Variants in GAS2L3 observed in about 807,000 individuals in gnomAD.
GAS2L3 encodes the protein GAS2-like protein 3.
GAS2L3 carries 28 observed loss-of-function variants against 37.0 expected under a neutral mutation model. The observed-to-expected ratio is 0.76, with a 90% CI of 0.56 to 1.04. The LOEUF (loss-of-function observed/expected upper bound fraction) is 1.04. GAS2L3 is among the 50% of genes least tolerant of loss of function. GAS2L3 has a pLI of 0.00. For missense variants in GAS2L3, 793 were observed against 817.6 expected (o/e 0.97, Z 0.37); for synonymous variants, 290 against 296.6 (o/e 0.98, Z 0.23).
At chr12:100,575,104 G>C (rs1452611825) in intron 1 of GAS2L3, among the ~76,000 whole-genome samples, 1 of 152,090 alleles carries the variant, frequency 6.6e-6, no homozygotes, top group Admixed American at 6.6e-5. Context: ...GTCTGTGAAA[G>C]AAGGTTAATA....
At chr12:100,599,481 T>A (rs1289831713) in intron 3 of GAS2L3, among the ~76,000 whole-genome samples, 2 of 152,240 alleles carry the variant, frequency 1.3e-5, no homozygotes, top group Non-Finnish European at 2.9e-5. Flanking sequence ...ACAACCATTT[T>A]AAAATGTACA....
chr12:100,602,742 C>G (rs113644661), intron 5 of GAS2L3, among the ~76,000 whole-genome samples: 3,083 of 152,034 alleles, frequency 0.02, 88 homozygotes, highest in African/African-American at 0.064. Context: ...CTTATTAATT[C>G]TTTCTAACTA....
At chr12:100,579,123 C>G in intron 1 of GAS2L3, 2 of 707,254 alleles carry the variant, frequency 2.8e-6, no homozygotes, top group Non-Finnish European at 5.3e-6. Context: ...ATAATCCATT[C>G]ACATAGTTCA....
chr12:100,604,581 A>G (rs1956033810), intron 5 of GAS2L3, among the ~76,000 whole-genome samples: 1 of 150,920 alleles, frequency 6.6e-6, no homozygotes, highest in Non-Finnish European at 1.5e-5. Flanking sequence ...TTGGATGCCA[A>G]ATCTTTCTTT....
Position 100,617,738 on chromosome 12 carries a change from C to A in GAS2L3, c.446-6C>A. On this transcript the variant is annotated splice_polypyrimidine_tract_variant and splice_region_variant and intron_variant, in intron 6 of 9. Transcript: ENST00000547754. ...TGTATAAAATAAGTGGTTTTATTTT[C>A]CACAGTTTTGCACAAAGATCCAAGA... 1 of 1,588,400 alleles carries A rather than the reference C, an allele frequency of 6.3e-7. No individual in the cohort carries two copies. Among genetic ancestry groups the A allele is most frequent in the Non-Finnish European group, 8.6e-7 (1 of 1,158,846 alleles).
intron 1 of GAS2L3, among the ~76,000 whole-genome samples, chr12:100,581,941 A>T (rs1279768219): frequency 6.6e-6 from 1 of 152,228 alleles, no homozygotes; most frequent in East Asian, 1.9e-4. Flanking sequence ...ATAACTTGCA[A>T]ATTAAAATAT....
At chr12:100,620,209 G>T (rs1196203481) in intron 8 of GAS2L3, among the ~76,000 whole-genome samples, 1 of 151,920 alleles carries the variant, frequency 6.6e-6, no homozygotes, top group African/African-American at 2.4e-5. Flanking sequence ...CAACGGTTTG[G>T]CAAATTAGGA....
chr12:100,617,771 A>G lies in GAS2L3; in HGVS notation c.473A>G (p.Tyr158Cys), dbSNP rs760058489. The G allele has an allele frequency of 3.4e-5, 55 of 1,608,300 alleles. No individual in the cohort carries two copies. The highest frequency in any genetic ancestry group is 4.4e-5 in the Non-Finnish European group (52 of 1,175,410). The part of the protein sequence containing the change: ...LVLHKDPRQV[Y>C]LCLLEIGRIV... ...TTGCACAAAGATCCAAGACAGGTGT[A>G]TCTTTGTCTTCTTGAAATTGGTCGA... is the stretch of plus-strand genomic sequence containing the variant. The change falls in exon 7 of 10, where the codon TAT becomes TGT. Residue 158 changes from tyrosine (Y) to cysteine (C), a missense_variant. By Grantham distance (194) the Tyr-to-Cys change is radical. Transcript: ENST00000547754.
chr12:100,620,531 C>T (rs12371477), intron 8 of GAS2L3, among the ~76,000 whole-genome samples: 54,100 of 151,518 alleles, frequency 0.36, 11,462 homozygotes, highest in Non-Finnish European at 0.49. Context: ...AAGTGAGATT[C>T]GGGTATCTTA....
In GAS2L3 at chr12:100,624,975, C is replaced by G. The variant is rs867734422; in HGVS notation, c.*85C>G. The G allele has an allele frequency of 1.4e-5, 15 of 1,050,788 alleles. No homozygotes were observed. The highest frequency in any genetic ancestry group is 6.2e-4 in the Middle Eastern group (2 of 3,226). The allele number at this position is 1,050,788 out of a possible 1,614,324, so 65.1% of individuals were successfully genotyped here. ...AAAAGTTTCTCCTATTTGTGTCTGT[C>G]TAAATAGGTGCAGACACTAAGGATA... On this transcript the variant is annotated 3_prime_UTR_variant, in exon 10 of 10. Coordinates refer to ENST00000547754, the MANE Select transcript of GAS2L3 (RefSeq NM_174942.3).
At position 100,623,679 on chromosome 12, in the gene GAS2L3, A is replaced by T; in HGVS notation, c.874A>T (p.Ile292Phe). ...ILQFATLEQKILAFQKGVSNE... is the reference protein window; with the variant it reads ...ILQFATLEQKFLAFQKGVSNE... ...ACAGTTTGCCACATTAGAACAAAAA[A>T]TTTTAGCATTTCAAAAAGGAGTTTC... is the stretch of plus-strand genomic sequence containing the variant. Residue 292 changes from isoleucine to phenylalanine, a missense_variant, in exon 10 of 10, where the codon ATT (isoleucine) becomes TTT (phenylalanine). Coordinates refer to ENST00000547754, the MANE Select transcript of GAS2L3 (RefSeq NM_174942.3). 6.2e-7 allele frequency: 1 copy of T among 1,614,102 alleles called. No homozygotes were observed. The highest frequency in any genetic ancestry group is 8.5e-7 in the Non-Finnish European group (1 of 1,179,972).
chr12:100,595,253 G>T (rs1052701311), intron 3 of GAS2L3, among the ~76,000 whole-genome samples: 3 of 151,788 alleles, frequency 2.0e-5, no homozygotes, highest in Admixed American at 2.0e-4. Context: ...ATATTTTGTG[G>T]TTTTCCCCTC....
At chr12:100,596,681 T>G (rs1955917188) in intron 3 of GAS2L3, among the ~76,000 whole-genome samples, 2 of 152,168 alleles carry the variant, frequency 1.3e-5, no homozygotes, top group South Asian at 4.1e-4. Context: ...TCAAGATATT[T>G]CTTGCCATTC....
intron 1 of GAS2L3, among the ~76,000 whole-genome samples, chr12:100,582,720 C>T (rs1955728985): frequency 6.6e-6 from 1 of 152,156 alleles, no homozygotes; most frequent in Admixed American, 6.5e-5. Context: ...TAACAAATTA[C>T]CACAAATTTA....
At chr12:100,606,494 G>A (rs561611459) in intron 5 of GAS2L3, among the ~76,000 whole-genome samples, 12 of 152,156 alleles carry the variant, frequency 7.9e-5, no homozygotes, top group South Asian at 4.1e-4. Flanking sequence ...TACATTCAGT[G>A]TTATAATTGA....
intron 5 of GAS2L3, among the ~76,000 whole-genome samples, chr12:100,603,491 T>C (rs1956018291): frequency 6.6e-6 from 1 of 152,174 alleles, no homozygotes; most frequent in Admixed American, 6.5e-5. Flanking sequence ...GATTATTAGA[T>C]TTTATCCTAC....
chr12:100,589,688 T>C lies in GAS2L3; in HGVS notation c.-151-2048T>C, dbSNP rs553967142. Among the ~76,000 whole-genome samples the C allele has an allele frequency of 3.9e-5, 6 of 152,230 alleles. No homozygotes were observed. The South Asian group carries it at 1.2e-3, about 32-fold the overall frequency. ...GATTTCAAACTATATTATAAGGCCA[T>C]GGTCACCAAAACAGCGTGGTACAGC... On this transcript the variant is annotated intron_variant, in intron 1 of 9. Transcript: ENST00000547754.
chr12:100,578,846 A>G, intron 1 of GAS2L3: 1 of 719,352 alleles, frequency 1.4e-6, no homozygotes, highest in South Asian at 1.5e-5. Context: ...TACCCATAAT[A>G]TATGTATGGC....
intron 3 of GAS2L3, among the ~76,000 whole-genome samples, chr12:100,596,477 AT>A (rs748434677): frequency 9.9e-5 from 15 of 150,942 alleles, no homozygotes; most frequent in African/African-American, 1.9e-4. Flanking sequence ...GTCTTTACTG[AT>A]TTTTTTTTCC....
Sources: allele counts gnomAD v4.1 joint callset (sites outside exome capture counted in the v4.1 genomes callset), GRCh38; gene constraint gnomAD v4.1.1; transcripts MANE v1.5; gene names NCBI Gene and HGNC (gene_info 2026-07-23, HGNC 2026-07-21).